Variants in SOS2 observed in about 807,000 individuals in gnomAD.
SOS2 encodes the protein son of sevenless homolog 2.
Under a neutral mutation model 148.2 loss-of-function variants are expected in SOS2, and 65 were observed. The observed-to-expected ratio is 0.44, with a 90% CI of 0.36 to 0.54. The LOEUF is 0.54. Among genes scored for constraint, SOS2 ranks in the 20% least tolerant of loss-of-function variants. The probability of loss-of-function intolerance (pLI) is 0.00; values close to 1 mark genes in which losing one functional copy is unlikely to be tolerated. For synonymous variants in SOS2, 539 were observed against 537.1 expected (o/e 1.00, Z -0.05); for missense variants, 1,341 against 1,590.2 (o/e 0.84, Z 2.67).
intron 1 of SOS2, among the ~76,000 whole-genome samples, chr14:50,220,896 C>T (rs140975884): frequency 1.2e-3 from 180 of 152,284 alleles, no homozygotes; most frequent in Non-Finnish European, 2.1e-3. Context: ...AGGTCATTTG[C>T]TTGTAAACCC....
chr14:50,192,016 G>A (rs1886155291), intron 4 of SOS2, among the ~76,000 whole-genome samples: 1 of 151,972 alleles, frequency 6.6e-6, no homozygotes, highest in Non-Finnish European at 1.5e-5. Context: ...GCCAGGCATG[G>A]TGGTTCAAGC....
chr14:50,217,862 A>G (rs1887080174), intron 1 of SOS2, among the ~76,000 whole-genome samples: 1 of 152,108 alleles, frequency 6.6e-6, no homozygotes, highest in African/African-American at 2.4e-5. Flanking sequence ...AGGCTGAGGC[A>G]GGAGAATGGT....
At chr14:50,160,625 G>A (rs1415854997) in intron 9 of SOS2, among the ~76,000 whole-genome samples, 3 of 151,868 alleles carry the variant, frequency 2.0e-5, no homozygotes, top group Non-Finnish European at 2.9e-5. Context: ...GACCTCAGGC[G>A]ATCTGCCCAC....
chr14:50,219,081 C>T (rs1205287968), intron 1 of SOS2, among the ~76,000 whole-genome samples: 1 of 151,604 alleles, frequency 6.6e-6, no homozygotes, highest in African/African-American at 2.4e-5. Context: ...CCACTGCTCT[C>T]CAGCCTGGCA....
In SOS2 at chr14:50,152,185, A is replaced by G. The variant is rs926606168; in HGVS notation, c.2161+885T>C. Among the ~76,000 whole-genome samples the G allele has an allele frequency of 2.7e-4, 41 of 152,342 alleles. 1 individual carries two copies. The highest frequency in any genetic ancestry group is 6.2e-4 in the South Asian group (3 of 4,828). ...ACACGAAATAAGTTACACTTGTTATAGTATTTGTAATGCCCTATAATGTCA... is the reference window on the plus strand; with the variant it reads ...ACACGAAATAAGTTACACTTGTTATGGTATTTGTAATGCCCTATAATGTCA... On this transcript the variant is annotated intron_variant, in intron 13 of 22. Coordinates refer to ENST00000216373, the MANE Select transcript of SOS2 (RefSeq NM_006939.4).
At chr14:50,160,656 G>A (rs962055173) in intron 9 of SOS2, among the ~76,000 whole-genome samples, 5 of 151,812 alleles carry the variant, frequency 3.3e-5, no homozygotes, top group Non-Finnish European at 7.4e-5. Flanking sequence ...CGAAGTGCTG[G>A]GATTATAGGC....
chr14:50,146,934 C>T (rs2139583332), intron 14 of SOS2, among the ~76,000 whole-genome samples: 1 of 152,068 alleles, frequency 6.6e-6, no homozygotes, highest in South Asian at 2.1e-4. Flanking sequence ...GTGGTGCGCA[C>T]CTATAATCCC....
intron 8 of SOS2, among the ~76,000 whole-genome samples, chr14:50,170,028 C>T (rs762671232): frequency 7.9e-5 from 12 of 151,822 alleles, no homozygotes; most frequent in Non-Finnish European, 5.9e-5. Context: ...TGGACTCAAG[C>T]AATCCTCCTG....
intron 1 of SOS2, among the ~76,000 whole-genome samples, chr14:50,223,459 G>T (rs1341966235): frequency 6.6e-6 from 1 of 152,060 alleles, no homozygotes; most frequent in Non-Finnish European, 1.5e-5. Flanking sequence ...CAGGTGACGA[G>T]GTCAACAGAT....
intron 18 of SOS2, among the ~76,000 whole-genome samples, chr14:50,135,071 C>CAAAAAAAAAAAAA (rs746540364): frequency 1.7e-5 from 1 of 57,526 alleles, no homozygotes. Context: ...GAGACTGTCT[C>CAAAAAAAAAAAAA]AAAAAAAAAA....
At chr14:50,140,331 G>C (rs1884228871) in intron 16 of SOS2, among the ~76,000 whole-genome samples, 1 of 152,120 alleles carries the variant, frequency 6.6e-6, no homozygotes, top group Non-Finnish European at 1.5e-5. Context: ...TGACTAGCCA[G>C]GGTTTCAAGT....
At chr14:50,152,945 A>T (rs1884706543) in intron 13 of SOS2, 125 bp downstream of exon 13, 4 of 529,726 alleles carry the variant, frequency 7.6e-6, no homozygotes, top group African/African-American at 6.0e-5. Flanking sequence ...AGCCTGGACA[A>T]CAAAGCAAAG....
intron 1 of SOS2, among the ~76,000 whole-genome samples, chr14:50,221,500 T>G (rs1887200491): frequency 6.6e-6 from 1 of 152,146 alleles, no homozygotes. Flanking sequence ...ATCTTGAAAT[T>G]CTCTATAGGA....
intron 5 of SOS2, among the ~76,000 whole-genome samples, chr14:50,184,359 A>G (rs1885840778): frequency 6.6e-6 from 1 of 152,178 alleles, no homozygotes; most frequent in East Asian, 1.9e-4. Flanking sequence ...TATAATATGA[A>G]ACATATTTTT....
At chr14:50,219,103 T>C (rs1209986061) in intron 1 of SOS2, among the ~76,000 whole-genome samples, 1 of 147,200 alleles carries the variant, frequency 6.8e-6, no homozygotes, top group Admixed American at 6.8e-5. Context: ...CAGAGCAAGA[T>C]TTCGTCTCAA....
intron 8 of SOS2, among the ~76,000 whole-genome samples, chr14:50,172,221 C>T (rs902538983): frequency 2.0e-5 from 3 of 151,938 alleles, no homozygotes; most frequent in African/African-American, 7.3e-5. Flanking sequence ...ACATTTACTG[C>T]CATTTTGGAT....
intron 16 of SOS2, among the ~76,000 whole-genome samples, chr14:50,143,258 G>A (rs1207505021): frequency 2.0e-5 from 3 of 148,846 alleles, no homozygotes; most frequent in Admixed American, 6.8e-5. Flanking sequence ...CCAGGAGTTC[G>A]AGACTGCAGT....
At chr14:50,130,475 C>T (rs763163081) in intron 20 of SOS2, 26 bp downstream of exon 20, 1 of 1,586,024 alleles carries the variant, frequency 6.3e-7, no homozygotes, top group East Asian at 2.2e-5. Flanking sequence ...TCCTTTTTTA[C>T]CAAGCGGTTT....
Position 50,179,677 on chromosome 14 carries a change from T to G in SOS2, c.969+895A>C, listed in dbSNP as rs138013437. 1.1e-3 allele frequency among the ~76,000 whole-genome samples: 165 copies of G among 152,278 alleles called. 2 individuals are homozygous for G. The highest frequency in any genetic ancestry group is 2.9e-3 in the African/African-American group (122 of 41,572). The stretch of plus-strand genomic sequence containing the variant: ...ACCACGTCTGGCTGGAAAAGTCAGT[T>G]TAGATGTAGAAGTTTTACATATTTA... On this transcript the variant is annotated intron_variant, in intron 7 of 22. Transcript: ENST00000216373.
Sources: allele counts gnomAD v4.1 joint callset (sites outside exome capture counted in the v4.1 genomes callset), GRCh38; gene constraint gnomAD v4.1.1; transcripts MANE v1.5; gene names NCBI Gene and HGNC (gene_info 2026-07-23, HGNC 2026-07-21).